Variants in TRRAP observed in about 807,000 individuals in gnomAD.
TRRAP encodes the protein transformation/transcription domain associated protein, also known as transformation/transcription domain-associated protein.
In TRRAP, 41 loss-of-function variants were observed where a neutral mutation model predicts 438.8. The ratio of observed to expected loss-of-function variants is 0.09; its 90% CI spans 0.07 to 0.12. The LOEUF (loss-of-function observed/expected upper bound fraction) is 0.12. TRRAP is among the 10% of genes least tolerant of loss of function. The probability of loss-of-function intolerance (pLI) is 1.00; values close to 1 mark genes in which losing one functional copy is unlikely to be tolerated. For missense variants in TRRAP, 3,122 were observed against 5,055.1 expected (o/e 0.62, Z 11.60); for synonymous variants, 1,994 against 1,962.9 (o/e 1.02, Z -0.42).
rs1796373298 is a variant in TRRAP, at chr7:98,899,457, A to G, written c.669A>G (p.Lys223=). ...SIIPRGSLSL[K]VLAELPIIVV... ...TTCCGAGGGGATCACTTTCTCTGAA[A>G]GTGTTGGCAGAATTGCCCATTATTG... The change falls in exon 9 of 73, where the codon AAA becomes AAG. Residue 223 remains lysine, a synonymous_variant. Coordinates refer to ENST00000456197, the MANE Select transcript of TRRAP (RefSeq NM_001375524.1). The G allele has an allele frequency of 1.2e-6, 2 of 1,614,162 alleles. No homozygotes were observed. Among genetic ancestry groups the G allele is most frequent in the Non-Finnish European group, 1.7e-6 (2 of 1,180,032 alleles).
At chr7:98,886,456 A>G (rs938128214) in intron 3 of TRRAP, among the ~76,000 whole-genome samples, 1 of 152,098 alleles carries the variant, frequency 6.6e-6, no homozygotes, top group Non-Finnish European at 1.5e-5. Flanking sequence ...AGATAGATAT[A>G]GATATCTAGA....
chr7:98,923,060 A>T (rs28686909), intron 21 of TRRAP, among the ~76,000 whole-genome samples: 138 of 152,258 alleles, frequency 9.1e-4, no homozygotes, highest in African/African-American at 3.2e-3. Flanking sequence ...CTCCTGCCTT[A>T]TGAAGCACTG....
intron 14 of TRRAP, 53 bp downstream of exon 14, chr7:98,909,015 C>G (rs1336437895): frequency 3.0e-6 from 4 of 1,313,358 alleles, no homozygotes; most frequent in Non-Finnish European, 4.1e-6. Flanking sequence ...CTGTTTGTGG[C>G]TAAATTTTTT....
intron 25 of TRRAP, 79 bp from the exon 26 acceptor site, chr7:98,931,326 G>T: frequency 6.4e-7 from 1 of 1,558,942 alleles, no homozygotes; most frequent in Non-Finnish European, 8.6e-7. Context: ...AGTCTTTATG[G>T]CAGACAGGTG....
chr7:98,957,780 G>T (rs1338622398), intron 43 of TRRAP, among the ~76,000 whole-genome samples: 1 of 152,124 alleles, frequency 6.6e-6, no homozygotes, highest in East Asian at 1.9e-4. Context: ...CCACTATTTT[G>T]TTGACTAGCC....
At chr7:98,918,592 C>T (rs1554409944) in intron 20 of TRRAP, among the ~76,000 whole-genome samples, 1 of 152,052 alleles carries the variant, frequency 6.6e-6, no homozygotes, top group African/African-American at 2.4e-5. Context: ...ATACGGCCAC[C>T]ATTGCTTCCA....
chr7:98,967,186 A>G, intron 50 of TRRAP, 24 bp downstream of exon 50: 1 of 1,609,674 alleles, frequency 6.2e-7, no homozygotes, highest in Non-Finnish European at 8.5e-7. Context: ...TTAATCAAGT[A>G]CTACATATAT....
At chr7:98,926,925 A>G (rs1421027768) in intron 22 of TRRAP, among the ~76,000 whole-genome samples, 1 of 152,106 alleles carries the variant, frequency 6.6e-6, no homozygotes, top group Non-Finnish European at 1.5e-5. Context: ...AGGCTGAGGC[A>G]GGAGAATCGC....
At chr7:98,881,786 C>T (rs1795449953) in intron 2 of TRRAP, 189 bp from the exon 3 acceptor site, 6 of 571,640 alleles carry the variant, frequency 1.0e-5, no homozygotes, top group Middle Eastern at 2.7e-4. Flanking sequence ...AGTGCATGCA[C>T]GTGTATGTCT....
At chr7:98,934,604 C>T (rs1790475589) in intron 27 of TRRAP, among the ~76,000 whole-genome samples, 1 of 152,154 alleles carries the variant, frequency 6.6e-6, no homozygotes, top group Non-Finnish European at 1.5e-5. Context: ...AGAACACGTG[C>T]GGATCTTTTG....
chr7:98,971,381 A>G (rs1357028823), intron 52 of TRRAP, among the ~76,000 whole-genome samples: 1 of 152,236 alleles, frequency 6.6e-6, no homozygotes, highest in East Asian at 1.9e-4. Context: ...GAATGGTCAT[A>G]TAAAACATTG....
At chr7:99,002,007 C>T (rs761034313) in intron 67 of TRRAP, among the ~76,000 whole-genome samples, 20 of 152,028 alleles carry the variant, frequency 1.3e-4, no homozygotes, top group Non-Finnish European at 2.9e-4. Context: ...GGAAATCATG[C>T]TGAGTGCAAA....
At chr7:98,927,894 G>C (rs1554411868) in intron 23 of TRRAP, among the ~76,000 whole-genome samples, 2 of 152,130 alleles carry the variant, frequency 1.3e-5, no homozygotes, top group East Asian at 3.8e-4. Flanking sequence ...AGGGCCACTT[G>C]TATTTGTTCA....
intron 62 of TRRAP, among the ~76,000 whole-genome samples, chr7:98,987,871 T>A (rs1255307527): frequency 6.6e-6 from 1 of 152,238 alleles, no homozygotes; most frequent in Non-Finnish European, 1.5e-5. Flanking sequence ...TTGCTGGGTA[T>A]TTTTATCATG....
rs1790414803 is a variant in TRRAP at position 98,933,413 on chromosome 7, G to A, written c.4014+11G>A. The A allele has an allele frequency of 6.2e-7, 1 of 1,610,936 alleles. No individual in the cohort carries two copies. Among genetic ancestry groups the A allele is most frequent in the Non-Finnish European group, 8.5e-7 (1 of 1,178,846 alleles). On this transcript the variant is annotated intron_variant, in intron 27 of 72. Transcript: ENST00000456197. ...GTGTTCTACACAGAGGTAGGGGGGT[G>A]GTGGTGCGGAGTGGTGTGGATGGTG... is the stretch of plus-strand genomic sequence containing the variant.
rs755559149 is a variant in TRRAP, at chr7:99,011,296, C to T, written c.11142+41C>T. ...CAGCCAGATCCTCTCCTCGTGACAT[C>T]GCCTTTCTGCTGAAGTTCCTAAAGT... On this transcript the variant is annotated intron_variant, in intron 71 of 72. Transcript: ENST00000456197. This position sits in a 1 kb window ranked among gnomAD's most constrained non-coding sequence, Gnocchi z 7.1. 9 of 1,612,578 alleles carry T rather than the reference C, an allele frequency of 5.6e-6. No homozygotes were observed. The highest frequency in any genetic ancestry group is 1.7e-5 in the Admixed American group (1 of 59,982).
intron 67 of TRRAP, among the ~76,000 whole-genome samples, chr7:98,996,018 A>C (rs1584404979): frequency 4.2e-5 from 3 of 71,936 alleles, no homozygotes; most frequent in Non-Finnish European, 5.2e-5. Context: ...CCATCTACTC[A>C]CCCCTGTCCC....
At chr7:98,905,301 T>G (rs184376047) in intron 12 of TRRAP, among the ~76,000 whole-genome samples, 3 of 152,332 alleles carry the variant, frequency 2.0e-5, no homozygotes, top group Admixed American at 2.0e-4. Context: ...CCTAGAGATG[T>G]GCATCTTGCA....
In TRRAP at chr7:98,981,818, G is replaced by A. The variant is rs766046680; in HGVS notation, c.8684G>A (p.Arg2895His). 8 of 1,604,942 alleles carry A rather than the reference G, an allele frequency of 5.0e-6. No individual in the cohort carries two copies. The highest frequency in any genetic ancestry group is 1.1e-5 in the South Asian group (1 of 88,990). ...KEMAWKVNMYRGYLAICHPEE... is the reference protein window; with the variant it reads ...KEMAWKVNMYHGYLAICHPEE... ...ATGGCCTGGAAGGTGAACATGTACC[G>A]CGGATACCTGGCCATCTGCCACCCC... Residue 2895 changes from arginine (R) to histidine (H), a missense_variant, in exon 59 of 73, where the codon CGC becomes CAC. Coordinates refer to ENST00000456197, the MANE Select transcript of TRRAP (RefSeq NM_001375524.1).
Sources: gnomAD v4.1 joint callset for allele counts (sites outside exome capture counted in the v4.1 genomes callset) on GRCh38, gnomAD v4.1.1 for gene constraint, Gnocchi (gnomAD v3.1) non-coding constraint, MANE v1.5 for transcripts, NCBI Gene and HGNC (gene_info 2026-07-23, HGNC 2026-07-21) for gene names.